The following CALN1 variants were observed in gnomAD, a reference collection of about 807,000 sequenced individuals.
CALN1 encodes the protein calcium-binding protein 8.
Under a neutral mutation model 30.6 loss-of-function variants are expected in CALN1, and 17 were observed. The observed-to-expected ratio is 0.56, with a 90% CI of 0.38 to 0.83. The LOEUF (loss-of-function observed/expected upper bound fraction) is 0.83, where lower values mean the gene tolerates loss of function less well. Among genes scored for constraint, CALN1 ranks in the 40% least tolerant of loss-of-function variants. CALN1 has a pLI of 0.00. For missense variants in CALN1, 291 were observed against 354.9 expected (o/e 0.82, Z 1.45); for synonymous variants, 156 against 131.4 (o/e 1.19, Z -1.28).
At chr7:71,816,482 A>C (rs1788272033) in intron 5 of CALN1, among the ~76,000 whole-genome samples, 1 of 152,186 alleles carries the variant, frequency 6.6e-6, no homozygotes, top group Non-Finnish European at 1.5e-5. Context: ...AGAGATGAAG[A>C]GTGGCAAGAT....
At chr7:72,205,551 A>AAATATATATATATATATATAT in intron 3 of CALN1, among the ~76,000 whole-genome samples, 1 of 83,048 alleles carries the variant, frequency 1.2e-5, no homozygotes. Context: ...GCAAAAAAAA[A>AAATATATATATATATATATAT]ATATATATAT....
chr7:72,075,182 C>A (rs375028873), intron 4 of CALN1, among the ~76,000 whole-genome samples: 1 of 152,184 alleles, frequency 6.6e-6, no homozygotes, highest in South Asian at 2.1e-4. Flanking sequence ...TTGTTCAGTT[C>A]AGAACTTCAA....
the CALN1 span, among the ~76,000 whole-genome samples, chr7:72,457,079 G>A: frequency 1.4e-5 from 2 of 138,594 alleles, no homozygotes; most frequent in African/African-American, 5.5e-5. Flanking sequence ...TGCAATCTCA[G>A]CTCACTGCAA....
the CALN1 span, among the ~76,000 whole-genome samples, chr7:72,500,319 C>T: frequency 9.7e-6 from 1 of 102,772 alleles, no homozygotes; most frequent in African/African-American, 3.8e-5. Flanking sequence ...CTCACTCCGT[C>T]GCCCAGGCTG....
intron 5 of CALN1, among the ~76,000 whole-genome samples, chr7:71,989,289 T>C (rs1217829703): frequency 2.0e-5 from 3 of 151,912 alleles, no homozygotes; most frequent in Non-Finnish European, 4.4e-5. Context: ...AACACAAAAA[T>C]TAGCTGGGCG....
At chr7:71,967,662 GAAAAA>G (rs1165393364) in intron 5 of CALN1, among the ~76,000 whole-genome samples, 4 of 145,844 alleles carry the variant, frequency 2.7e-5, no homozygotes, top group Non-Finnish European at 6.0e-5. Flanking sequence ...GAAAAGAAAA[GAAAAA>G]AGTCTGTGCC....
chr7:72,210,617 A>T (rs1049096304), intron 3 of CALN1, among the ~76,000 whole-genome samples: 2 of 152,166 alleles, frequency 1.3e-5, no homozygotes, highest in Non-Finnish European at 2.9e-5. Context: ...GACTGAACTC[A>T]GGAGGAACTA....
chr7:72,403,511 C>T, intron 1 of CALN1, 69 bp from the exon 2 acceptor site: 1 of 590,276 alleles, frequency 1.7e-6, no homozygotes, highest in Non-Finnish European at 2.9e-6. Flanking sequence ...AAGCCTGCCG[C>T]CTAAATAATT....
chr7:72,503,995 G>A, the CALN1 span, among the ~76,000 whole-genome samples: 1 of 152,142 alleles, frequency 6.6e-6, no homozygotes, highest in African/African-American at 2.4e-5. Flanking sequence ...CCCCATAGAG[G>A]AGTGTGGGTG....
chr7:71,857,487 G>A (rs571718946), intron 5 of CALN1, among the ~76,000 whole-genome samples: 5 of 152,240 alleles, frequency 3.3e-5, no homozygotes, highest in South Asian at 2.1e-4. Context: ...TGCCTTGGGC[G>A]TTTCAAAGGA....
intron 4 of CALN1, among the ~76,000 whole-genome samples, chr7:72,042,871 T>G (rs1277936887): frequency 6.6e-6 from 1 of 152,172 alleles, no homozygotes; most frequent in Non-Finnish European, 1.5e-5. Context: ...AAAACTCCAA[T>G]TCTCCAGAAA....
At chr7:72,021,071 G>A (rs1800676776) in intron 5 of CALN1, among the ~76,000 whole-genome samples, 1 of 152,008 alleles carries the variant, frequency 6.6e-6, no homozygotes, top group Non-Finnish European at 1.5e-5. Flanking sequence ...AGGAGTTTGA[G>A]ACCAGCCTGG....
chr7:72,194,849 C>T (rs1221748559), intron 3 of CALN1, among the ~76,000 whole-genome samples: 2 of 152,056 alleles, frequency 1.3e-5, no homozygotes, highest in African/African-American at 4.8e-5. Flanking sequence ...CTCGGCCTCC[C>T]AAAGTACTGG....
the CALN1 span, among the ~76,000 whole-genome samples, chr7:72,501,824 G>A: frequency 7.7e-4 from 113 of 146,134 alleles, no homozygotes; most frequent in Non-Finnish European, 9.8e-4. Context: ...CAGGAGAATC[G>A]CTTGAAACCA....
chr7:72,331,666 T>G (rs1231120956), intron 2 of CALN1, among the ~76,000 whole-genome samples: 1 of 152,148 alleles, frequency 6.6e-6, no homozygotes, highest in African/African-American at 2.4e-5. Context: ...ATTCATTTTA[T>G]TTTTTTTCCA....
chr7:72,483,216 G>C, the CALN1 span, among the ~76,000 whole-genome samples: 20 of 146,308 alleles, frequency 1.4e-4, no homozygotes, highest in Admixed American at 1.3e-3. Context: ...ATTTTCCCCT[G>C]ATGTTTTTTG....
At chr7:71,864,218 CCTTCA>C (rs1243399964) in intron 5 of CALN1, among the ~76,000 whole-genome samples, 2 of 152,164 alleles carry the variant, frequency 1.3e-5, no homozygotes, top group Non-Finnish European at 2.9e-5. Flanking sequence ...TTTATAACCT[CCTTCA>C]CTTGAGGATG....
At chr7:72,412,605 G>A (rs919019963), upstream of CALN1, among the ~76,000 whole-genome samples, 3 of 152,216 alleles carry the variant, frequency 2.0e-5, no homozygotes, top group African/African-American at 7.2e-5. Flanking sequence ...CAGAAGCCCA[G>A]CTGGCTTCAC....
chr7:72,261,917 A>G (rs1382627770), intron 3 of CALN1, among the ~76,000 whole-genome samples: 4 of 152,228 alleles, frequency 2.6e-5, no homozygotes, highest in African/African-American at 9.6e-5. Context: ...AGGAGTGAGA[A>G]TAATCAGGGA....
Sources: allele counts gnomAD v4.1 joint callset (sites outside exome capture counted in the v4.1 genomes callset), GRCh38; gene constraint gnomAD v4.1.1; transcripts MANE v1.5; gene names NCBI Gene and HGNC (gene_info 2026-07-23, HGNC 2026-07-21).